The following ITCH variants were observed in gnomAD, a reference collection of about 807,000 sequenced individuals.
ITCH encodes itchy E3 ubiquitin protein ligase, also known as E3 ubiquitin-protein ligase Itchy homolog.
ITCH carries 28 observed loss-of-function variants against 126.8 expected under a neutral mutation model. That is an observed-to-expected ratio of 0.22 (90% confidence interval 0.16 to 0.30). The LOEUF (loss-of-function observed/expected upper bound fraction) is 0.30. ITCH is among the 10% of genes least tolerant of loss of function. ITCH has a pLI of 1.00. For missense variants in ITCH, 631 were observed against 1,032.4 expected (o/e 0.61, Z 5.33); for synonymous variants, 342 against 340.0 (o/e 1.01, Z -0.06).
In ITCH at chr20:34,510,584, G is replaced by A. The variant is rs2146594000; in HGVS notation, c.*2790G>A. On this transcript the variant is annotated 3_prime_UTR_variant, in exon 25 of 25. Transcript: ENST00000374864. The stretch of plus-strand genomic sequence containing the variant: ...ACAGCATTCCACAGCCTGGTCAGGA[G>A]GGAAGGACCTCACTTGTTTCATCAA... 1 of 151,800 alleles carries A rather than the reference G, an allele frequency of 6.6e-6. No individual in the cohort carries two copies. The highest frequency in any genetic ancestry group is 2.1e-4 in the South Asian group (1 of 4,810). The allele number at this position is 151,800 out of a possible 1,614,324, so 9.4% of individuals were successfully genotyped here.
At chr20:34,416,818 C>T (rs1979923563) in intron 6 of ITCH, among the ~76,000 whole-genome samples, 1 of 151,694 alleles carries the variant, frequency 6.6e-6, no homozygotes, top group South Asian at 2.1e-4. Flanking sequence ...GTTTTCTTTA[C>T]ATAATTTGTT....
chr20:34,382,996 C>A (rs1178067736), intron 2 of ITCH, among the ~76,000 whole-genome samples: 1 of 152,010 alleles, frequency 6.6e-6, no homozygotes, highest in African/African-American at 2.4e-5. Flanking sequence ...CCTGCCTCGG[C>A]CTCCCAAAAT....
intron 2 of ITCH, among the ~76,000 whole-genome samples, chr20:34,391,712 T>G (rs1448224015): frequency 6.6e-6 from 1 of 152,220 alleles, no homozygotes. Context: ...ATTACTAGGA[T>G]GTTTTTGGCA....
intron 4 of ITCH, among the ~76,000 whole-genome samples, chr20:34,409,397 T>C (rs1978658731): frequency 6.6e-6 from 1 of 152,056 alleles, no homozygotes; most frequent in Admixed American, 6.5e-5. Context: ...AGTTATACTA[T>C]AGTTATTTAT....
At chr20:34,454,183 G>A (rs1270542893) in intron 12 of ITCH, among the ~76,000 whole-genome samples, 2 of 149,228 alleles carry the variant, frequency 1.3e-5, no homozygotes, top group African/African-American at 4.9e-5. Context: ...TGTCGCCCAG[G>A]CTGGAGTGCA....
chr20:34,484,736 G>C (rs1050334025), intron 20 of ITCH, among the ~76,000 whole-genome samples: 2 of 152,124 alleles, frequency 1.3e-5, no homozygotes. Context: ...AAAATGCACT[G>C]ATCTTAAGTG....
At position 34,509,069 on chromosome 20, in the gene ITCH, T is replaced by C. The variant is rs530155363; in HGVS notation, c.*1275T>C. The C allele has an allele frequency of 1.3e-5, 2 of 152,774 alleles. No homozygotes were observed. Among genetic ancestry groups the C allele is most frequent in the African/African-American group, 4.8e-5 (2 of 41,580 alleles). 9.5% of individuals were successfully genotyped at this position (152,774 alleles called of 1,614,324 possible). ...ATTCTTTACATTGTCATGAACTGGA[T>C]TGATAACCCTCATCTGCAATATTTT... On this transcript the variant is annotated 3_prime_UTR_variant, in exon 25 of 25. Coordinates refer to ENST00000374864, the MANE Select transcript of ITCH (RefSeq NM_031483.7).
chr20:34,420,951 G>A (rs1460744170), intron 6 of ITCH, among the ~76,000 whole-genome samples: 1 of 152,130 alleles, frequency 6.6e-6, no homozygotes, highest in Non-Finnish European at 1.5e-5. Context: ...TTGTAAAATG[G>A]ATCAGACCCT....
chr20:34,481,172 C>T lies in ITCH; in HGVS notation c.2059C>T (p.Leu687Phe). Reference protein sequence around the residue: ...HDLKPNGGNILVTEENKEEYI... With the variant: ...HDLKPNGGNIFVTEENKEEYI... ...TCTGAAACCTAATGGTGGCAATATT[C>T]TTGTAACAGAAGAAAATAAAGAGGA... Residue 687 changes from leucine (L) to phenylalanine (F), a missense_variant, in exon 20 of 25, where the codon CTT (leucine) becomes TTT (phenylalanine). By Grantham distance (22) the Leu-to-Phe change is conservative. This residue lies in a region of ITCH where 390 missense variants were observed against 731.6 expected (regional missense o/e 0.53). Coordinates refer to ENST00000374864, the MANE Select transcript of ITCH (RefSeq NM_031483.7). The T allele has an allele frequency of 6.2e-7, 1 of 1,613,472 alleles. No individual in the cohort carries two copies. Among genetic ancestry groups the T allele is most frequent in the East Asian group, 2.2e-5 (1 of 44,722 alleles).
intron 2 of ITCH, among the ~76,000 whole-genome samples, chr20:34,372,189 C>T (rs1159320846): frequency 2.0e-5 from 3 of 149,680 alleles, no homozygotes; most frequent in Non-Finnish European, 4.4e-5. Context: ...CCTGTAGTCC[C>T]AGCTACTCGG....
chr20:34,429,955 A>G (rs952431104), intron 7 of ITCH, among the ~76,000 whole-genome samples: 1 of 152,200 alleles, frequency 6.6e-6, no homozygotes, highest in African/African-American at 2.4e-5. Flanking sequence ...GAAAGAAGAA[A>G]AACAAAGGTG....
rs755646955 is a variant in ITCH, at chr20:34,462,084, G to GT, written c.1296-6dup. On this transcript the variant is annotated splice_polypyrimidine_tract_variant and intron_variant, in intron 13 of 24. Transcript: ENST00000374864. ...TATTTTTGTTTATGTTTTTTCCTGT[G>GT]TTTCGTAGTCAATTAAATGAAAAGC... The GT allele has an allele frequency of 3.1e-6, 5 of 1,613,250 alleles. No homozygotes were observed. In the South Asian group the frequency reaches 3.3e-5, roughly 11 times the overall value.
chr20:34,494,678 T>G (rs1348782934), intron 23 of ITCH, among the ~76,000 whole-genome samples: 1 of 152,062 alleles, frequency 6.6e-6, no homozygotes, highest in Non-Finnish European at 1.5e-5. Context: ...AAACATACAG[T>G]CCAGGTGCAG....
intron 1 of ITCH, among the ~76,000 whole-genome samples, chr20:34,365,338 A>T (rs77261421): frequency 6.0e-4 from 92 of 152,334 alleles, no homozygotes; most frequent in Non-Finnish European, 9.0e-4. Context: ...TATCATATGA[A>T]ATTAAAAAAA....
chr20:34,378,899 A>G (rs1601754686), intron 2 of ITCH, among the ~76,000 whole-genome samples: 1 of 152,116 alleles, frequency 6.6e-6, no homozygotes, highest in African/African-American at 2.4e-5. Flanking sequence ...TTTTAACCTT[A>G]TCTTTGCTCA....
At chr20:34,475,036 G>A (rs975772753) in intron 16 of ITCH, among the ~76,000 whole-genome samples, 6 of 150,768 alleles carry the variant, frequency 4.0e-5, no homozygotes, top group Non-Finnish European at 5.9e-5. Flanking sequence ...GGGCAGAGGC[G>A]CTCCCCACAT....
intron 6 of ITCH, among the ~76,000 whole-genome samples, chr20:34,419,442 A>G (rs979420327): frequency 4.0e-5 from 6 of 149,656 alleles, no homozygotes; most frequent in African/African-American, 1.5e-4. Context: ...TATAAGCATT[A>G]CTTGTACGTT....
chr20:34,401,341 T>G (rs1446697805), intron 3 of ITCH, among the ~76,000 whole-genome samples: 1 of 152,200 alleles, frequency 6.6e-6, no homozygotes, highest in Non-Finnish European at 1.5e-5. Flanking sequence ...CCATTTGTTC[T>G]GTTTCAAAGG....
At chr20:34,409,149 C>A (rs1389048769) in intron 4 of ITCH, among the ~76,000 whole-genome samples, 1 of 137,400 alleles carries the variant, frequency 7.3e-6, no homozygotes, top group Admixed American at 7.2e-5. Context: ...TCCCCCCCCC[C>A]CCGGTTTTTA....
Sources: gnomAD v4.1 joint callset for allele counts (sites outside exome capture counted in the v4.1 genomes callset) on GRCh38, gnomAD v4.1.1 for gene constraint, gnomAD v4.1.1 regional missense constraint, MANE v1.5 for transcripts, NCBI Gene and HGNC (gene_info 2026-07-23, HGNC 2026-07-21) for gene names.